Variants in CCBE1 observed in about 807,000 individuals in gnomAD.
CCBE1 encodes collagen and calcium-binding EGF domain-containing protein 1.
CCBE1 carries 37 observed loss-of-function variants against 50.0 expected under a neutral mutation model. That is an observed-to-expected ratio of 0.74 (90% CI 0.57 to 0.97). CCBE1 has a LOEUF of 0.97. Among genes scored for constraint, CCBE1 ranks in the 50% least tolerant of loss-of-function variants. CCBE1 has a pLI of 0.00. For synonymous variants in CCBE1, 234 were observed against 203.7 expected (o/e 1.15, Z -1.27); for missense variants, 538 against 523.8 (o/e 1.03, Z -0.26).
At chr18:59,534,128 G>A (rs373573246) in intron 2 of CCBE1, among the ~76,000 whole-genome samples, 5 of 152,254 alleles carry the variant, frequency 3.3e-5, no homozygotes, top group African/African-American at 1.2e-4. Flanking sequence ...CTAAGATGTT[G>A]GCTAATGATA....
chr18:59,473,375 C>A (rs945944913), intron 3 of CCBE1, among the ~76,000 whole-genome samples: 4 of 152,002 alleles, frequency 2.6e-5, no homozygotes, highest in African/African-American at 9.7e-5. Flanking sequence ...TGAATCACAT[C>A]TTTTTTCCTC....
In CCBE1 at chr18:59,432,183, G is replaced by A. The variant is rs1014383047; in HGVS notation, c.*3725C>T. ...ACCACGTGTTGGTCAGGATGGTCTT[G>A]ATCTCCTGACCTCATGATGCGCCCG... On this transcript the variant is annotated 3_prime_UTR_variant, in exon 11 of 11. Coordinates refer to ENST00000439986, the MANE Select transcript of CCBE1 (RefSeq NM_133459.4). The A allele has an allele frequency of 2.6e-5, 4 of 152,100 alleles. No individual in the cohort carries two copies. The highest frequency in any genetic ancestry group is 5.9e-5 in the Non-Finnish European group (4 of 68,056). The allele number at this position is 152,100 out of a possible 1,614,324, so 9.4% of individuals were successfully genotyped here.
At chr18:59,643,427 C>A (rs2054016004) in intron 2 of CCBE1, among the ~76,000 whole-genome samples, 1 of 152,128 alleles carries the variant, frequency 6.6e-6, no homozygotes, top group South Asian at 2.1e-4. Context: ...ACTCGATATC[C>A]CAAATGTGCA....
intron 2 of CCBE1, among the ~76,000 whole-genome samples, chr18:59,498,471 G>T (rs1412148569): frequency 1.3e-5 from 2 of 152,142 alleles, no homozygotes; most frequent in African/African-American, 2.4e-5. Flanking sequence ...ATACCATATT[G>T]AGACTTGCAT....
chr18:59,490,551 C>G (rs1913051714), intron 2 of CCBE1, among the ~76,000 whole-genome samples: 2 of 152,182 alleles, frequency 1.3e-5, no homozygotes, highest in Non-Finnish European at 2.9e-5. Context: ...GGTTTTGAAA[C>G]TGGGTAAGGA....
At chr18:59,486,976 T>C (rs1912853404) in intron 2 of CCBE1, among the ~76,000 whole-genome samples, 2 of 151,892 alleles carry the variant, frequency 1.3e-5, no homozygotes, top group Admixed American at 1.3e-4. Context: ...GACTCTGGGC[T>C]ACCAAGCCAG....
chr18:59,447,061 A>G (rs973459316), intron 7 of CCBE1, among the ~76,000 whole-genome samples: 4 of 152,286 alleles, frequency 2.6e-5, no homozygotes, highest in Middle Eastern at 6.8e-3. Flanking sequence ...TTAAGTTCTC[A>G]TTGTATATTT....
intron 2 of CCBE1, among the ~76,000 whole-genome samples, chr18:59,527,538 C>A (rs994159410): frequency 2.0e-4 from 30 of 152,068 alleles, no homozygotes; most frequent in Non-Finnish European, 4.1e-4. Context: ...TGTCATGATG[C>A]TAGCTGGTTA....
At chr18:59,499,717 C>T (rs570185837) in intron 2 of CCBE1, among the ~76,000 whole-genome samples, 43 of 152,330 alleles carry the variant, frequency 2.8e-4, no homozygotes, top group Admixed American at 4.6e-4. Context: ...GATTTGGGTG[C>T]GGACACAGCC....
chr18:59,632,665 C>G (rs191427412), intron 2 of CCBE1, among the ~76,000 whole-genome samples: 1 of 152,056 alleles, frequency 6.6e-6, no homozygotes, highest in Non-Finnish European at 1.5e-5. Context: ...CTTGGCTCAC[C>G]GCAACTTCCA....
At chr18:59,569,372 A>G (rs530574140) in intron 2 of CCBE1, among the ~76,000 whole-genome samples, 29 of 152,368 alleles carry the variant, frequency 1.9e-4, no homozygotes, top group Admixed American at 1.0e-3. Flanking sequence ...TTGAGCACCT[A>G]TTAGATTTCA....
intron 2 of CCBE1, among the ~76,000 whole-genome samples, chr18:59,644,585 T>G (rs949430920): frequency 1.3e-5 from 2 of 152,256 alleles, no homozygotes; most frequent in African/African-American, 4.8e-5. Context: ...AACTGAATGC[T>G]GCAGTAGTTA....
Position 59,469,521 on chromosome 18 carries a change from G to T in CCBE1, c.352C>A (p.Arg118=). ...TTCCGGTGTCTCTCCCGGTCATATC[G>T]GTATCCCGGATAACAAGTACACAGC... The part of the protein sequence containing the change: ...RVLCTCYPGY[R]YDRERHRKRE... The change falls in exon 4 of 11, where the codon CGA becomes AGA. Residue 118 remains arginine, a synonymous_variant. Coordinates refer to ENST00000439986, the MANE Select transcript of CCBE1 (RefSeq NM_133459.4). 1 of 1,614,096 alleles carries T rather than the reference G, an allele frequency of 6.2e-7. No individual in the cohort carries two copies. The highest frequency in any genetic ancestry group is 8.5e-7 in the Non-Finnish European group (1 of 1,180,036).
intron 2 of CCBE1, among the ~76,000 whole-genome samples, chr18:59,672,196 G>C (rs997645131): frequency 2.6e-5 from 4 of 152,132 alleles, no homozygotes; most frequent in African/African-American, 7.2e-5. Flanking sequence ...GACAGAAAGA[G>C]GTCACATGAA....
intron 6 of CCBE1, among the ~76,000 whole-genome samples, chr18:59,451,864 T>G (rs1313003796): frequency 6.6e-6 from 1 of 151,986 alleles, no homozygotes; most frequent in African/African-American, 2.4e-5. Context: ...CCAACAGAAC[T>G]TTGCCAGCCA....
At chr18:59,524,322 A>T (rs956700203) in intron 2 of CCBE1, among the ~76,000 whole-genome samples, 1 of 152,196 alleles carries the variant, frequency 6.6e-6, no homozygotes, top group African/African-American at 2.4e-5. Flanking sequence ...CCTGTCTCAA[A>T]AACAAAACAA....
At chr18:59,654,479 C>T (rs116683947) in intron 2 of CCBE1, among the ~76,000 whole-genome samples, 3,454 of 152,148 alleles carry the variant, frequency 0.023, 144 homozygotes, top group African/African-American at 0.079. Flanking sequence ...CAAATATTAG[C>T]TGGATGTGGT....
At chr18:59,656,840 A>C (rs926964264) in intron 2 of CCBE1, among the ~76,000 whole-genome samples, 2 of 152,138 alleles carry the variant, frequency 1.3e-5, no homozygotes, top group African/African-American at 4.8e-5. Context: ...CAGGGTCAAG[A>C]ACATCTATCT....
At chr18:59,551,190 T>C (rs1343328205) in intron 2 of CCBE1, among the ~76,000 whole-genome samples, 1 of 152,204 alleles carries the variant, frequency 6.6e-6, no homozygotes, top group East Asian at 1.9e-4. Context: ...ATGTAGGCTG[T>C]ATGCTGTGGC....
Sources: allele counts gnomAD v4.1 joint callset (sites outside exome capture counted in the v4.1 genomes callset), GRCh38; gene constraint gnomAD v4.1.1; transcripts MANE v1.5; gene names NCBI Gene and HGNC (gene_info 2026-07-23, HGNC 2026-07-21).